Variants in HCN4 observed in about 807,000 individuals in gnomAD.
HCN4 encodes potassium/sodium hyperpolarization-activated cyclic nucleotide-gated channel 4.
A neutral mutation model predicts 76.9 loss-of-function variants in HCN4; 29 were observed. The observed-to-expected ratio is 0.38, with a 90% CI of 0.28 to 0.51. HCN4 has a LOEUF of 0.51. HCN4 is among the 20% of genes least tolerant of loss of function. The probability of loss-of-function intolerance (pLI) is 0.90; values close to 1 mark genes in which losing one functional copy is unlikely to be tolerated. For synonymous variants in HCN4, 772 were observed against 762.5 expected, an observed-to-expected ratio of 1.01 and a Z score of -0.21; for missense variants, 1,416 against 1,715.2, an observed-to-expected ratio of 0.83 and a Z score of 3.08.
chr15:73,324,245 G>C lies in HCN4; in HGVS notation c.1987C>G (p.Leu663Val). The change falls in exon 7 of 8, where the codon CTG becomes GTG. Residue 663 changes from leucine to valine, a missense_variant. Coordinates refer to ENST00000261917, the MANE Select transcript of HCN4 (RefSeq NM_005477.3). Reference protein sequence around the residue: ...ADGSYFGEICLLTRGRRTASV... With the variant: ...ADGSYFGEICVLTRGRRTASV... ...GCTGTGCGCCGGCCCCGGGTCAGCAGGCAGATCTCTGCCAGAGCATCAGGA... is the reference window on the plus strand; with the variant it reads ...GCTGTGCGCCGGCCCCGGGTCAGCACGCAGATCTCTGCCAGAGCATCAGGA... The C allele has an allele frequency of 6.2e-7, 1 of 1,613,900 alleles. No homozygotes were observed. Among genetic ancestry groups the C allele is most frequent in the Non-Finnish European group, 8.5e-7 (1 of 1,179,900 alleles).
chr15:73,346,057 A>G (rs1567788583), intron 1 of HCN4, among the ~76,000 whole-genome samples: 1 of 152,230 alleles, frequency 6.6e-6, no homozygotes, highest in East Asian at 1.9e-4. Flanking sequence ...ATTTCCTCGC[A>G]CTCTGACTAA....
In HCN4 at chr15:73,343,272, G is replaced by C; in HGVS notation, c.1209+113C>G. ...TAGTATTTGTCCTCTTGGAGCAGGT[G>C]TGCCTGCCACAATCTGACAGCCTAT... On this transcript the variant is annotated intron_variant, in intron 2 of 7. Transcript: ENST00000261917. This position sits in a 1 kb window ranked among gnomAD's most constrained non-coding sequence, Gnocchi z 5.7. The C allele has an allele frequency of 9.9e-7, 1 of 1,006,520 alleles. No homozygotes were observed. Among genetic ancestry groups the C allele is most frequent in the Admixed American group, 2.0e-5 (1 of 50,136 alleles). 62.3% of individuals were successfully genotyped at this position (1,006,520 alleles called of 1,614,324 possible).
intron 1 of HCN4, among the ~76,000 whole-genome samples, chr15:73,365,036 G>A (rs2043122485): frequency 6.6e-6 from 1 of 152,212 alleles, no homozygotes; most frequent in African/African-American, 2.4e-5. Flanking sequence ...AGAAGCTCTT[G>A]CGAAGCCTGA....
rs2043132125 is a variant in HCN4, at chr15:73,367,144, T to A, written c.785+342A>T. ...CCCGGAGCTGCCTCTAGGATGGCCA[T>A]CCTGACTCTGCAGCCTTGAAGGGGG... On this transcript the variant is annotated intron_variant, in intron 1 of 7. Coordinates refer to ENST00000261917, the MANE Select transcript of HCN4 (RefSeq NM_005477.3). The surrounding 1 kb of genome is among the most constrained non-coding windows in gnomAD (Gnocchi z 7.5). Among the ~76,000 whole-genome samples the A allele has an allele frequency of 6.6e-6, 1 of 152,140 alleles. No individual in the cohort carries two copies. The highest frequency in any genetic ancestry group is 1.5e-5 in the Non-Finnish European group (1 of 67,994).
In HCN4 at chr15:73,322,659, A is replaced by C. The variant is rs2151213800; in HGVS notation, c.3434T>G (p.Ile1145Ser). 1 of 1,607,780 alleles carries C rather than the reference A, an allele frequency of 6.2e-7. No individual in the cohort carries two copies. The highest frequency in any genetic ancestry group is 2.2e-5 in the East Asian group (1 of 44,684). ...AGGCAGAGTGACGTGCTGGCCGGGG[A>C]TGGCACCATAGGGCCTCCCAGGGGG... ...LGPPGRPYGA[I>S]PGQHVTLPRK... Residue 1145 changes from isoleucine (I) to serine (S), a missense_variant, in exon 8 of 8, where the codon ATC becomes AGC. This residue lies in a region of HCN4 where 633 missense variants were observed against 579.8 expected (regional missense o/e 1.09). Coordinates refer to ENST00000261917, the MANE Select transcript of HCN4 (RefSeq NM_005477.3).
intron 1 of HCN4, among the ~76,000 whole-genome samples, chr15:73,363,326 T>C (rs946624534): frequency 6.6e-6 from 1 of 152,018 alleles, no homozygotes; most frequent in Non-Finnish European, 1.5e-5. Context: ...ACTGAGGAAA[T>C]AGAAAAGAAA....
chr15:73,338,185 G>C (rs1191632378), intron 2 of HCN4, among the ~76,000 whole-genome samples: 2 of 152,214 alleles, frequency 1.3e-5, no homozygotes, highest in African/African-American at 4.8e-5. Flanking sequence ...ACACTGGTGT[G>C]TCCCCACTGT....
At chr15:73,352,689 C>T (rs2043060215) in intron 1 of HCN4, among the ~76,000 whole-genome samples, 1 of 152,136 alleles carries the variant, frequency 6.6e-6, no homozygotes, top group Non-Finnish European at 1.5e-5. Context: ...ATTATGGGCA[C>T]ACCCCCTTGG....
intron 1 of HCN4, among the ~76,000 whole-genome samples, chr15:73,359,457 T>C (rs942416330): frequency 6.6e-6 from 1 of 152,174 alleles, no homozygotes; most frequent in Non-Finnish European, 1.5e-5. Context: ...CAGAGGCAGC[T>C]GGCTCAGATA....
intron 1 of HCN4, among the ~76,000 whole-genome samples, chr15:73,348,388 A>G (rs995362058): frequency 6.6e-6 from 1 of 152,266 alleles, no homozygotes; most frequent in Non-Finnish European, 1.5e-5. Context: ...ATGCACAGAC[A>G]CGAACATGCG....
In HCN4 at chr15:73,328,623, G is replaced by A. The variant is rs757731546; in HGVS notation, c.1590+950C>T. Among the ~76,000 whole-genome samples, 18 of 152,074 alleles carry A rather than the reference G, an allele frequency of 1.2e-4. No homozygotes were observed. The highest frequency in any genetic ancestry group is 1.9e-4 in the Non-Finnish European group (13 of 68,036). On this transcript the variant is annotated intron_variant, in intron 4 of 7. Coordinates refer to ENST00000261917, the MANE Select transcript of HCN4 (RefSeq NM_005477.3). This position sits in a 1 kb window ranked among gnomAD's most constrained non-coding sequence, Gnocchi z 4.0. ...CCAGTACCACCCCCGCCCTGCAGAT[G>A]AGGAAACGGGGCCTCACGCTGTGGA...
At chr15:73,326,594 C>T (rs946745557) in intron 4 of HCN4, among the ~76,000 whole-genome samples, 1 of 151,976 alleles carries the variant, frequency 6.6e-6, no homozygotes, top group African/African-American at 2.4e-5. Context: ...TGAAGTGGTC[C>T]AGGTGAGAGA....
chr15:73,324,297 C>G, intron 6 of HCN4, 44 bp from the exon 7 acceptor site: 1 of 1,602,332 alleles, frequency 6.2e-7, no homozygotes, highest in Non-Finnish European at 8.5e-7. Flanking sequence ...CACAGCCTGC[C>G]CAGGCCAGGG....
At chr15:73,349,867 C>G (rs959193419) in intron 1 of HCN4, among the ~76,000 whole-genome samples, 12 of 152,220 alleles carry the variant, frequency 7.9e-5, no homozygotes, top group African/African-American at 2.7e-4. Flanking sequence ...TTTGGCAATG[C>G]TGGCACCTGG....
chr15:73,368,570 C>A lies in HCN4; in HGVS notation c.-300G>T, dbSNP rs890327112. On this transcript the variant is annotated 5_prime_UTR_variant, in exon 1 of 8. Transcript: ENST00000261917. This position sits in a 1 kb window ranked among gnomAD's most constrained non-coding sequence, Gnocchi z 6.9. ...GCGTTCAGGGGCGCGGCGCGCCGCCCGGCTCCAGGCGCCCCGCCCCCGCGG... is the reference window on the plus strand; with the variant it reads ...GCGTTCAGGGGCGCGGCGCGCCGCCAGGCTCCAGGCGCCCCGCCCCCGCGG... The A allele has an allele frequency of 9.2e-6, 2 of 218,466 alleles. No individual in the cohort carries two copies. Among genetic ancestry groups the A allele is most frequent in the Non-Finnish European group, 1.8e-5 (2 of 111,032 alleles). The allele number at this position is 218,466 out of a possible 1,614,324, so 13.5% of individuals were successfully genotyped here. A position where few individuals can be genotyped will look rare whatever the true frequency, so the allele number is the denominator to read the frequency against.
Position 73,325,006 on chromosome 15 carries a change from G to A in HCN4, c.1927C>T (p.Leu643Phe). Residue 643 changes from leucine (L) to phenylalanine (F), a missense_variant, in exon 6 of 8, where the codon CTC becomes TTC. Coordinates refer to ENST00000261917, the MANE Select transcript of HCN4 (RefSeq NM_005477.3). The surrounding 1 kb of genome is among the most constrained non-coding windows in gnomAD (Gnocchi z 7.4). Reference protein sequence around the residue: ...YFIQHGVVSVLTKGNKETKLA... With the variant: ...YFIQHGVVSVFTKGNKETKLA... ...TTGGTCTCCTTGTTGCCCTTGGTGA[G>A]CACGCTGACCACGCCATGCTGGATG... 2.5e-6 allele frequency: 4 copies of A among 1,614,186 alleles called. No individual in the cohort carries two copies. Among genetic ancestry groups the A allele is most frequent in the Non-Finnish European group, 3.4e-6 (4 of 1,180,034 alleles).
At chr15:73,353,322 C>T (rs913178890) in intron 1 of HCN4, among the ~76,000 whole-genome samples, 2 of 152,172 alleles carry the variant, frequency 1.3e-5, no homozygotes, top group Non-Finnish European at 2.9e-5. Context: ...AAGACACGAT[C>T]CTGGTCCCCA....
chr15:73,331,501 C>A (rs1488569975), intron 3 of HCN4, among the ~76,000 whole-genome samples: 2 of 152,174 alleles, frequency 1.3e-5, no homozygotes, highest in African/African-American at 4.8e-5. Flanking sequence ...CCTTTTGAGA[C>A]AGGATCTTGC....
chr15:73,337,912 G>A (rs1031671987), intron 2 of HCN4, among the ~76,000 whole-genome samples: 4 of 152,184 alleles, frequency 2.6e-5, no homozygotes, highest in African/African-American at 7.2e-5. Context: ...CTGGAACTGC[G>A]GTGAGGAGGA....
Sources: allele counts gnomAD v4.1 joint callset (sites outside exome capture counted in the v4.1 genomes callset), GRCh38; gene constraint gnomAD v4.1.1; regional missense constraint gnomAD v4.1.1; non-coding constraint Gnocchi (gnomAD v3.1); transcripts MANE v1.5; gene names NCBI Gene and HGNC (gene_info 2026-07-23, HGNC 2026-07-21).